Variants in ASB3 observed in about 807,000 individuals in gnomAD.
ASB3 encodes ankyrin repeat and SOCS box containing 3, also known as ankyrin repeat and SOCS box protein 3.
In ASB3, 41 loss-of-function variants were observed where a neutral mutation model predicts 54.5. That is an observed-to-expected ratio of 0.75 (90% CI 0.59 to 0.98). The LOEUF (loss-of-function observed/expected upper bound fraction) is 0.98, where lower values mean the gene tolerates loss of function less well. ASB3 is among the 50% of genes least tolerant of loss of function. ASB3 has a pLI of 0.00. For missense variants in ASB3, 733 were observed against 620.0 expected (o/e 1.18, Z -1.94); for synonymous variants, 266 against 221.2 (o/e 1.20, Z -1.80).
At chr2:53,737,786 C>T (rs1000383761) in intron 3 of ASB3, among the ~76,000 whole-genome samples, 3 of 149,162 alleles carry the variant, frequency 2.0e-5, no homozygotes, top group East Asian at 1.9e-4. Context: ...ACGAAAATTT[C>T]GAGAACACTT....
chr2:53,719,258 T>G (rs1264520758), intron 5 of ASB3, among the ~76,000 whole-genome samples: 3 of 152,130 alleles, frequency 2.0e-5, no homozygotes, highest in Non-Finnish European at 2.9e-5. Context: ...AAAACAGACT[T>G]TAAATCAGAC....
intron 1 of ASB3, among the ~76,000 whole-genome samples, chr2:53,777,510 A>G (rs895513564): frequency 1.3e-5 from 2 of 152,268 alleles, no homozygotes; most frequent in African/African-American, 2.4e-5. Flanking sequence ...ATAGCTTCCA[A>G]TCTCCAGCCT....
rs192831287 is a variant in ASB3, at chr2:53,670,104, C to G, written c.*399G>C. On this transcript the variant is annotated 3_prime_UTR_variant, in exon 10 of 10. Transcript: ENST00000263634. ...CCAGTGAAGCTTTATGCATTCCATTCTGAGCTCCTAATACCAGGTAAACAC... is the reference window on the plus strand; with the variant it reads ...CCAGTGAAGCTTTATGCATTCCATTGTGAGCTCCTAATACCAGGTAAACAC... 1.5e-4 allele frequency: 25 copies of G among 164,828 alleles called. No individual in the cohort carries two copies. Among genetic ancestry groups the G allele is most frequent in the Admixed American group, 3.8e-4 (6 of 15,716 alleles). 10.2% of individuals were successfully genotyped at this position (164,828 alleles called of 1,614,324 possible).
chr2:53,766,795 TTTTG>T (rs1010071041), intron 1 of ASB3, among the ~76,000 whole-genome samples: 16 of 152,306 alleles, frequency 1.1e-4, no homozygotes, highest in South Asian at 2.1e-4. Flanking sequence ...TTGCTTTTTT[TTTTG>T]TTTGTTTGTC....
chr2:53,774,997 CTTAA>C (rs1418379494), intron 1 of ASB3: 3 of 152,754 alleles, frequency 2.0e-5, no homozygotes, highest in East Asian at 1.9e-4. Flanking sequence ...GTATTTCAGC[CTTAA>C]TTGTGAATTT....
intron 9 of ASB3, among the ~76,000 whole-genome samples, chr2:53,685,893 T>C (rs910898442): frequency 2.4e-4 from 36 of 152,298 alleles, no homozygotes; most frequent in African/African-American, 8.2e-4. Flanking sequence ...AATTCCACAA[T>C]CTCCAATAGA....
At chr2:53,725,672 C>A (rs780243286) in intron 5 of ASB3, among the ~76,000 whole-genome samples, 5 of 152,036 alleles carry the variant, frequency 3.3e-5, no homozygotes, top group African/African-American at 9.7e-5. Context: ...GTGGAAAGAT[C>A]ATCATCAAGA....
At chr2:53,703,265 G>A (rs1397073660) in intron 7 of ASB3, among the ~76,000 whole-genome samples, 1 of 152,042 alleles carries the variant, frequency 6.6e-6, no homozygotes, top group Non-Finnish European at 1.5e-5. Context: ...TATCAATATA[G>A]CTGCTAACTT....
rs762941607 is a variant in ASB3, at chr2:53,712,769, G to GGCGCGC, written c.980+1609_980+1614dup. 2.0e-5 allele frequency among the ~76,000 whole-genome samples: 3 copies of GGCGCGC among 147,484 alleles called. No individual in the cohort carries two copies. In the South Asian group the frequency reaches 6.5e-4, roughly 32 times the overall value. On this transcript the variant is annotated intron_variant, in intron 7 of 9. Transcript: ENST00000263634. ...GAACACACACACACACACACACACA[G>GGCGCGC]GCGCGCGCGCGCGCGCAATCCAAAA...
At chr2:53,726,996 A>T (rs1024729878) in intron 5 of ASB3, among the ~76,000 whole-genome samples, 1 of 152,148 alleles carries the variant, frequency 6.6e-6, no homozygotes, top group African/African-American at 2.4e-5. Flanking sequence ...ATTGAAACTT[A>T]TGGGACTGCA....
At chr2:53,689,691 G>A (rs980988096) in intron 9 of ASB3, among the ~76,000 whole-genome samples, 2 of 152,124 alleles carry the variant, frequency 1.3e-5, no homozygotes, top group Admixed American at 6.5e-5. Context: ...AAAGTTTCAA[G>A]GGAAATTTTT....
intron 9 of ASB3, among the ~76,000 whole-genome samples, chr2:53,692,156 G>T (rs1183512050): frequency 6.6e-6 from 1 of 151,748 alleles, no homozygotes; most frequent in Non-Finnish European, 1.5e-5. Flanking sequence ...AATGTCTACA[G>T]GGGGGGCAAA....
chr2:53,690,267 T>TA (rs781033296), intron 9 of ASB3, among the ~76,000 whole-genome samples: 1 of 151,880 alleles, frequency 6.6e-6, no homozygotes, highest in Non-Finnish European at 1.5e-5. Flanking sequence ...ATTAATTAAT[T>TA]AATTAAATTA....
chr2:53,774,265 C>T (rs1430951592), intron 1 of ASB3: 34 of 1,614,016 alleles, frequency 2.1e-5, no homozygotes, highest in Non-Finnish European at 2.8e-5. Flanking sequence ...TCCAAAAGAT[C>T]CCACAACAAA....
chr2:53,765,240 T>C, intron 2 of ASB3, 137 bp downstream of exon 2: 1 of 1,232,772 alleles, frequency 8.1e-7, no homozygotes. Context: ...CTATCCTTAA[T>C]AAATAAATTC....
chr2:53,721,533 T>C (rs1196677523), intron 5 of ASB3, among the ~76,000 whole-genome samples: 1 of 152,016 alleles, frequency 6.6e-6, no homozygotes, highest in Non-Finnish European at 1.5e-5. Flanking sequence ...ATGGTGCCAC[T>C]GCACTCCAGC....
At chr2:53,772,934 T>C (rs947113137) in intron 1 of ASB3, among the ~76,000 whole-genome samples, 2 of 152,142 alleles carry the variant, frequency 1.3e-5, no homozygotes, top group Non-Finnish European at 2.9e-5. Context: ...CACCAGAAAG[T>C]TTTATTTAAC....
rs552102685 is a variant in ASB3, at chr2:53,729,390, G to C, written c.468+68C>G. On this transcript the variant is annotated intron_variant, in intron 4 of 9. Coordinates refer to ENST00000263634, the MANE Select transcript of ASB3 (RefSeq NM_016115.5). ...GCAAGCAGAAAGCAAAAACTGCATA[G>C]GACTGTCATTTTAAGAGGGTAAAAC... 3.3e-6 allele frequency: 5 copies of C among 1,527,284 alleles called. No individual in the cohort carries two copies. The East Asian group carries it at 6.8e-5, about 21-fold the overall frequency. 94.6% of individuals were successfully genotyped at this position (1,527,284 alleles called of 1,614,324 possible).
chr2:53,688,783 G>A (rs1668761933), intron 9 of ASB3, among the ~76,000 whole-genome samples: 2 of 152,222 alleles, frequency 1.3e-5, no homozygotes, highest in African/African-American at 4.8e-5. Context: ...GGGGCCTGTT[G>A]GGAGGTGGGG....
Sources: gnomAD v4.1 joint callset for allele counts (sites outside exome capture counted in the v4.1 genomes callset) on GRCh38, gnomAD v4.1.1 for gene constraint, MANE v1.5 for transcripts, NCBI Gene and HGNC (gene_info 2026-07-23, HGNC 2026-07-21) for gene names.